The following TCTN3 variants were observed in gnomAD, a reference collection of about 807,000 sequenced individuals.
TCTN3 encodes the protein tectonic family member 3, also known as tectonic-3.
TCTN3 carries 57 observed loss-of-function variants against 71.3 expected under a neutral mutation model. The ratio of observed to expected loss-of-function variants is 0.80; its 90% CI spans 0.65 to 1.00. The LOEUF is 1.00. TCTN3 is among the 50% of genes least tolerant of loss of function. The probability of loss-of-function intolerance (pLI) is 0.00; values close to 1 mark genes in which losing one functional copy is unlikely to be tolerated. For missense variants in TCTN3, 696 were observed against 719.9 expected (o/e 0.97, Z 0.38); for synonymous variants, 258 against 267.8 (o/e 0.96, Z 0.36).
At chr10:95,685,742 A>T in intron 7 of TCTN3, 106 bp from the exon 8 acceptor site, 1 of 803,170 alleles carries the variant, frequency 1.2e-6, no homozygotes, top group Non-Finnish European at 1.9e-6. Context: ...CCCCTTGACC[A>T]CCCTCTCTCT....
chr10:95,691,668 T>C (rs1171337721), intron 3 of TCTN3, among the ~76,000 whole-genome samples: 1 of 152,186 alleles, frequency 6.6e-6, no homozygotes, highest in Non-Finnish European at 1.5e-5. Context: ...TTTAAATCCA[T>C]TTTGTGCAGG....
chr10:95,691,220 G>A (rs1439968002), intron 3 of TCTN3, among the ~76,000 whole-genome samples: 1 of 152,148 alleles, frequency 6.6e-6, no homozygotes, highest in African/African-American at 2.4e-5. Flanking sequence ...CCAGGTTGGA[G>A]TGCAGTGGTG....
Position 95,693,573 on chromosome 10 carries a change from G to A in TCTN3, c.256+71C>T. The A allele has an allele frequency of 2.6e-6, 4 of 1,546,904 alleles. No individual in the cohort carries two copies. In the Admixed American group the frequency reaches 8.0e-5, roughly 31 times the overall value. On this transcript the variant is annotated intron_variant, in intron 1 of 13. Coordinates refer to ENST00000371217, the MANE Select transcript of TCTN3 (RefSeq NM_015631.6). Reference sequence around the variant, plus strand: ...CCGACAGCCCCACTCCTGCTTTGTGGCAGCTCAACTTTGCTCACAGAATTT... The same window carrying A: ...CCGACAGCCCCACTCCTGCTTTGTGACAGCTCAACTTTGCTCACAGAATTT...
At chr10:95,669,791 C>T (rs895673813) in intron 13 of TCTN3, among the ~76,000 whole-genome samples, 1 of 151,946 alleles carries the variant, frequency 6.6e-6, no homozygotes, top group African/African-American at 2.4e-5. Flanking sequence ...AGGCCGGGCG[C>T]GGTGGCTCAC....
At position 95,672,032 on chromosome 10, in the gene TCTN3, C is replaced by T. The variant is rs187371725; in HGVS notation, c.1591-7732G>A. ...AATTATATATGCTTTATAGCCAATA[C>T]GCAAAGCAAGGTCTGGAGTATGTCC... is the stretch of plus-strand genomic sequence containing the variant. On this transcript the variant is annotated intron_variant, in intron 13 of 13. Coordinates refer to ENST00000371217, the MANE Select transcript of TCTN3 (RefSeq NM_015631.6). Among the ~76,000 whole-genome samples the T allele has an allele frequency of 4.3e-4, 66 of 152,194 alleles. No individual in the cohort carries two copies. In the East Asian group the frequency reaches 0.011, roughly 25 times the overall value.
At chr10:95,683,305 A>G in intron 10 of TCTN3, 110 bp from the exon 11 acceptor site, 1 of 1,500,522 alleles carries the variant, frequency 6.7e-7, no homozygotes, top group Non-Finnish European at 9.0e-7. Context: ...TTGTATTACT[A>G]TCATAATGTT....
At chr10:95,666,326 T>C (rs957380888) in intron 13 of TCTN3, among the ~76,000 whole-genome samples, 2 of 150,224 alleles carry the variant, frequency 1.3e-5, no homozygotes, top group African/African-American at 4.9e-5. Flanking sequence ...AAGAACCACA[T>C]ACATTACAAG....
In TCTN3 at chr10:95,682,642, TCTC is replaced by T. The variant is rs1566071549; in HGVS notation, c.1452+6_1452+8del. ...GAGTCTTCATCAGAAAGTATATTTC[TCTC>T]CTTACTGAAATGCTGCAGTGCCTGT... On this transcript the variant is annotated splice_donor_region_variant and intron_variant, in intron 12 of 13. Coordinates refer to ENST00000371217, the MANE Select transcript of TCTN3 (RefSeq NM_015631.6). The T allele has an allele frequency of 1.2e-6, 2 of 1,608,718 alleles. No individual in the cohort carries two copies. The highest frequency in any genetic ancestry group is 1.7e-6 in the Non-Finnish European group (2 of 1,178,344).
intron 8 of TCTN3, among the ~76,000 whole-genome samples, 170 bp downstream of exon 8, chr10:95,685,386 C>A (rs1454898928): frequency 6.6e-6 from 1 of 152,116 alleles, no homozygotes; most frequent in African/African-American, 2.4e-5. Context: ...CTACTTTTAC[C>A]AAGGATTGCA....
At chr10:95,690,910 A>G (rs1487507432) in intron 3 of TCTN3, among the ~76,000 whole-genome samples, 2 of 152,234 alleles carry the variant, frequency 1.3e-5, no homozygotes, top group Non-Finnish European at 2.9e-5. Flanking sequence ...CATACTAAAC[A>G]TGAATGTACA....
chr10:95,667,159 G>T (rs1223592301), intron 13 of TCTN3, among the ~76,000 whole-genome samples: 3 of 152,102 alleles, frequency 2.0e-5, no homozygotes, highest in Non-Finnish European at 2.9e-5. Context: ...TTCAGTGGCT[G>T]AGAAACCCCA....
At position 95,693,695 on chromosome 10, in the gene TCTN3, T is replaced by C; in HGVS notation, c.205A>G (p.Thr69Ala). 2 of 1,551,312 alleles carry C rather than the reference T, an allele frequency of 1.3e-6. No homozygotes were observed. Among genetic ancestry groups the C allele is most frequent in the Non-Finnish European group, 1.7e-6 (2 of 1,146,916 alleles). The change falls in exon 1 of 14, where the codon ACT becomes GCT. Residue 69 changes from threonine (T) to alanine (A), a missense_variant. Physicochemically the swap from Thr to Ala is moderately conservative, Grantham distance 58. Transcript: ENST00000371217. The stretch of plus-strand genomic sequence containing the variant: ...CCAGGGGCCGAGGGAGTCACGAGAG[T>C]AGGGACCACTGTAGGGAGTCCAGGC... ...AVPGLPTVVP[T>A]LVTPSAPGNR... is the part of the protein sequence containing the mutation.
chr10:95,693,910 G>A lies in TCTN3; in HGVS notation c.-11C>T. On this transcript the variant is annotated 5_prime_UTR_variant, in exon 1 of 14. Coordinates refer to ENST00000371217, the MANE Select transcript of TCTN3 (RefSeq NM_015631.6). ...CTGTGGGGTGCGCATGGGGCATTCA[G>A]GGCCTCCGGGTCCGACGTAGGCCTC... 2 of 1,551,392 alleles carry A rather than the reference G, an allele frequency of 1.3e-6. No individual in the cohort carries two copies. Among genetic ancestry groups the A allele is most frequent in the African/African-American group, 1.4e-5 (1 of 73,160 alleles).
At chr10:95,693,530 G>T in intron 1 of TCTN3, 54 bp from the exon 2 acceptor site, 2 of 1,550,736 alleles carry the variant, frequency 1.3e-6, no homozygotes, top group Non-Finnish European at 1.7e-6. Context: ...ACTCTCCCAG[G>T]TGCTCACCCT....
At chr10:95,688,578 C>T (rs972021608) in intron 3 of TCTN3, among the ~76,000 whole-genome samples, 2 of 152,094 alleles carry the variant, frequency 1.3e-5, no homozygotes, top group Non-Finnish European at 2.9e-5. Flanking sequence ...GTTTCCTCTA[C>T]ACTTCAACTG....
At chr10:95,679,478 T>C (rs991441854) in intron 13 of TCTN3, among the ~76,000 whole-genome samples, 15 of 152,104 alleles carry the variant, frequency 9.9e-5, no homozygotes, top group African/African-American at 3.6e-4. Context: ...GGGATGTAAG[T>C]ACAGTGCAAC....
Position 95,672,160 on chromosome 10 carries a change from T to TGTGTGTGTGTGTGTGTGTGTGTGTGTGTG in TCTN3, c.1591-7861_1591-7860insCACACACACACACACACACACACACACAC, listed in dbSNP as rs139798593. On this transcript the variant is annotated intron_variant, in intron 13 of 13. Transcript: ENST00000371217. ...TATCATTAAAAATTAATTATTATTA[T>TGTGTGTGTGTGTGTGTGTGTGTGTGTGTG]TGTGTGTGTGTGTCTGGCTTCTTTC... Among the ~76,000 whole-genome samples, 107 of 139,676 alleles carry TGTGTGTGTGTGTGTGTGTGTGTGTGTGTG rather than the reference T, an allele frequency of 7.7e-4. No individual in the cohort carries two copies. The South Asian group carries it at 0.011, about 15-fold the overall frequency. 91.6% of individuals were successfully genotyped at this position (139,676 alleles called of 152,430 possible).
At chr10:95,678,874 A>C (rs985830712) in intron 13 of TCTN3, among the ~76,000 whole-genome samples, 2 of 152,178 alleles carry the variant, frequency 1.3e-5, no homozygotes, top group Admixed American at 1.3e-4. Flanking sequence ...AGCGTCTTTC[A>C]TGGGGATGAG....
At chr10:95,691,995 T>C (rs2097953928) in intron 3 of TCTN3, among the ~76,000 whole-genome samples, 1 of 152,140 alleles carries the variant, frequency 6.6e-6, no homozygotes, top group Non-Finnish European at 1.5e-5. Flanking sequence ...GAAATGAAAA[T>C]AAGGTTGGCA....
Sources: allele counts gnomAD v4.1 joint callset (sites outside exome capture counted in the v4.1 genomes callset), GRCh38; gene constraint gnomAD v4.1.1; transcripts MANE v1.5; gene names NCBI Gene and HGNC (gene_info 2026-07-23, HGNC 2026-07-21).